The following MYO7A variants were observed in gnomAD, a reference collection of about 807,000 sequenced individuals.
MYO7A encodes the protein myosin VIIA, also known as unconventional myosin-VIIa.
In MYO7A, 210 loss-of-function variants were observed where a neutral mutation model predicts 263.8. The ratio of observed to expected loss-of-function variants is 0.80; its 90% CI spans 0.71 to 0.89. MYO7A has a LOEUF of 0.89. Among genes scored for constraint, MYO7A ranks in the 40% least tolerant of loss-of-function variants. The probability of loss-of-function intolerance (pLI) is 0.00; values close to 1 mark genes in which losing one functional copy is unlikely to be tolerated. For synonymous variants in MYO7A, 1,239 were observed against 1,197.3 expected, an observed-to-expected ratio of 1.03 and a Z score of -0.72; for missense variants, 2,820 against 2,968.3, an observed-to-expected ratio of 0.95 and a Z score of 1.16.
chr11:77,161,976 T>G, intron 12 of MYO7A, 144 bp from the exon 13 acceptor site: 1 of 780,006 alleles, frequency 1.3e-6, no homozygotes. Flanking sequence ...GAGGTGGACT[T>G]GACAATTCCC....
chr11:77,213,025 C>T lies in MYO7A; in HGVS notation c.6428C>T (p.Pro2143Leu). 6.3e-7 allele frequency: 1 copy of T among 1,577,208 alleles called. No homozygotes were observed. The highest frequency in any genetic ancestry group is 1.2e-5 in the South Asian group (1 of 85,700). The change falls in exon 47 of 49, where the codon CCC (proline) becomes CTC (leucine). Residue 2143 changes from proline to leucine, a missense_variant. Pro to Leu is a moderately conservative substitution (Grantham distance 98, BLOSUM62 -3). Coordinates refer to ENST00000409709, the MANE Select transcript of MYO7A (RefSeq NM_000260.4). ...AAGTATGGGGTCAGCCTCATCGATC[C>T]CAAAACGAAGGTGAGCAGGGATAAG... ...INKYGVSLID[P>L]KTKDILTTHP...
chr11:77,181,754 A>G (rs1955206525), intron 23 of MYO7A, among the ~76,000 whole-genome samples, 165 bp downstream of exon 23: 1 of 145,424 alleles, frequency 6.9e-6, no homozygotes, highest in Admixed American at 6.9e-5. Flanking sequence ...TCCCTCTCCA[A>G]CGCCCTTCTC....
chr11:77,172,730 T>A lies in MYO7A; in HGVS notation c.1798-18T>A. 6.5e-7 allele frequency: 1 copy of A among 1,550,184 alleles called. No individual in the cohort carries two copies. Among genetic ancestry groups the A allele is most frequent in the South Asian group, 1.2e-5 (1 of 84,036 alleles). On this transcript the variant is annotated intron_variant, in intron 15 of 48. Transcript: ENST00000409709. ...GGGCAGGCACAGCCCCTCCCATCGC[T>A]GCCGTCCGTCCCCCCAGGGCGCCGA... is the stretch of plus-strand genomic sequence containing the variant.
intron 27 of MYO7A, chr11:77,185,070 G>A (rs1383832534): frequency 2.5e-6 from 1 of 406,422 alleles, no homozygotes; most frequent in African/African-American, 2.0e-5. Context: ...ATAGCATTAT[G>A]TCTAAAAAAT....
chr11:77,214,824 C>A lies in MYO7A; in HGVS notation c.*128C>A. 1 of 721,972 alleles carries A rather than the reference C, an allele frequency of 1.4e-6. No individual in the cohort carries two copies. Among genetic ancestry groups the A allele is most frequent in the Non-Finnish European group, 2.3e-6 (1 of 434,208 alleles). The allele number at this position is 721,972 out of a possible 1,614,324, so 44.7% of individuals were successfully genotyped here. A position where few individuals can be genotyped will look rare whatever the true frequency, so the allele number is the denominator to read the frequency against. On this transcript the variant is annotated 3_prime_UTR_variant, in exon 49 of 49. Transcript: ENST00000409709. Reference sequence around the variant, plus strand: ...CAGCGAGGCTGGGCTGGCCAGCCACCACTGACTATACCAACTGGGCCTCTG... The same window carrying A: ...CAGCGAGGCTGGGCTGGCCAGCCACAACTGACTATACCAACTGGGCCTCTG...
intron 15 of MYO7A, among the ~76,000 whole-genome samples, chr11:77,172,075 T>C (rs1381376621): frequency 6.6e-6 from 1 of 152,202 alleles, no homozygotes; most frequent in East Asian, 1.9e-4. Context: ...CGGCTAAGCC[T>C]GGGAGGGGAG....
chr11:77,208,865 G>A (rs1215127696), intron 44 of MYO7A, 62 bp downstream of exon 44: 2 of 1,347,062 alleles, frequency 1.5e-6, no homozygotes, highest in Non-Finnish European at 2.1e-6. Context: ...CTTTGGCCCT[G>A]AAAGCAGAGA....
At chr11:77,175,268 G>C in intron 17 of MYO7A, 104 bp from the exon 18 acceptor site, 1 of 1,068,444 alleles carries the variant, frequency 9.4e-7, no homozygotes, top group Non-Finnish European at 1.4e-6. Flanking sequence ...TCGAGTCAGG[G>C]GCAGAGCTCG....
rs1415078177 is a variant in MYO7A at position 77,138,307 on chromosome 11, G to A, written c.19-4402G>A. On this transcript the variant is annotated intron_variant, in intron 2 of 48. Coordinates refer to ENST00000409709, the MANE Select transcript of MYO7A (RefSeq NM_000260.4). This position sits in a 1 kb window ranked among gnomAD's most constrained non-coding sequence, Gnocchi z 4.9. ...GCAGTGCCGCCGTCGCCGTCGCAGC[G>A]CCATGGAGGACCCCGCCGACCCTGC... 6.7e-6 allele frequency among the ~76,000 whole-genome samples: 1 copy of A among 149,872 alleles called. No individual in the cohort carries two copies. Among genetic ancestry groups the A allele is most frequent in the South Asian group, 2.1e-4 (1 of 4,806 alleles).
rs782603382 is a variant in MYO7A, at chr11:77,160,243, C to T, written c.1161C>T (p.Ser387=). 2 of 1,579,336 alleles carry T rather than the reference C, an allele frequency of 1.3e-6. No individual in the cohort carries two copies. The highest frequency in any genetic ancestry group is 1.2e-5 in the South Asian group (1 of 85,694). Residue 387 remains serine (S), a synonymous_variant, in exon 11 of 49, where the codon AGC becomes AGT. Transcript: ENST00000409709. ...TRGETVSTPL[S]REQALDVRDA... is the part of the protein sequence containing the mutation. ...GGGAGACGGTGTCCACCCCACTGAG[C>T]AGGGAACAGGCACTGGACGTGCGCG...
At chr11:77,177,458 C>G in intron 18 of MYO7A, 91 bp from the exon 19 acceptor site, 2 of 1,043,720 alleles carry the variant, frequency 1.9e-6, no homozygotes, top group South Asian at 2.7e-5. Context: ...GACCTGTGCT[C>G]CCAGTGAAGG....
At chr11:77,143,774 G>T (rs1164638510) in intron 3 of MYO7A, among the ~76,000 whole-genome samples, 1 of 152,182 alleles carries the variant, frequency 6.6e-6, no homozygotes, top group Non-Finnish European at 1.5e-5. Context: ...TTAGCCTCCT[G>T]GTCTGAGGGA....
rs1031559000 is a variant in MYO7A, at chr11:77,205,606, G to C, written c.5625G>C (p.Gln1875His). 1 of 1,613,560 alleles carries C rather than the reference G, an allele frequency of 6.2e-7. No homozygotes were observed. Among genetic ancestry groups the C allele is most frequent in the Admixed American group, 1.7e-5 (1 of 59,996 alleles). The change falls in exon 40 of 49, where the codon CAG becomes CAC. Residue 1875 changes from glutamine (Q) to histidine (H), a missense_variant. Gln to His is a conservative substitution (Grantham distance 24). Coordinates refer to ENST00000409709, the MANE Select transcript of MYO7A (RefSeq NM_000260.4). ...PLAIDCLQRL[Q>H]KALRNGSRKY... ...CCATCGACTGCCTGCAACGGCTCCA[G>C]AAAGCCCTGAGGTACAGCGGCCACC...
intron 40 of MYO7A, 86 bp downstream of exon 40, chr11:77,205,703 G>C (rs1181266627): frequency 6.4e-7 from 1 of 1,558,632 alleles, no homozygotes; most frequent in Non-Finnish European, 8.7e-7. Flanking sequence ...TTGGGGATGA[G>C]GACCACATAG....
chr11:77,132,570 C>A (rs1950797600), intron 2 of MYO7A, among the ~76,000 whole-genome samples: 1 of 152,122 alleles, frequency 6.6e-6, no homozygotes, highest in Non-Finnish European at 1.5e-5. Flanking sequence ...CTCACTGCAA[C>A]CTTCGACTCC....
chr11:77,131,853 G>A (rs1248357680), intron 2 of MYO7A, among the ~76,000 whole-genome samples: 1 of 152,222 alleles, frequency 6.6e-6, no homozygotes, highest in African/African-American at 2.4e-5. Context: ...CAGCCCTGGG[G>A]AACCGGCCAG....
chr11:77,177,534 A>G lies in MYO7A; in HGVS notation c.2188-15A>G. ...GAGACCTTGTGGGGCGCTGCTCAGG[A>G]GCTCTGCCTCCTAGGACCACCATGA... On this transcript the variant is annotated splice_polypyrimidine_tract_variant and intron_variant, in intron 18 of 48. Coordinates refer to ENST00000409709, the MANE Select transcript of MYO7A (RefSeq NM_000260.4). The G allele has an allele frequency of 1.9e-6, 3 of 1,602,668 alleles. No individual in the cohort carries two copies. Among genetic ancestry groups the G allele is most frequent in the Non-Finnish European group, 2.6e-6 (3 of 1,174,636 alleles).
chr11:77,164,043 C>T (rs1271597349), intron 14 of MYO7A, among the ~76,000 whole-genome samples: 3 of 152,144 alleles, frequency 2.0e-5, no homozygotes, highest in Non-Finnish European at 2.9e-5. Flanking sequence ...AGTCAGGCCT[C>T]GAACCAGCCC....
In MYO7A at chr11:77,138,182, G is replaced by T. The variant is rs901936100; in HGVS notation, c.19-4527G>T. On this transcript the variant is annotated intron_variant, in intron 2 of 48. Transcript: ENST00000409709. The surrounding 1 kb of genome is among the most constrained non-coding windows in gnomAD (Gnocchi z 4.9). ...CCCCCTCGCCGTCCCGCCCGCGGGC[G>T]TCACCTAAGCCGCCGTTGCCATGGG... Among the ~76,000 whole-genome samples, 2 of 151,966 alleles carry T rather than the reference G, an allele frequency of 1.3e-5. No individual in the cohort carries two copies. Among genetic ancestry groups the T allele is most frequent in the Non-Finnish European group, 2.9e-5 (2 of 67,932 alleles).
Sources: allele counts gnomAD v4.1 joint callset (sites outside exome capture counted in the v4.1 genomes callset), GRCh38; gene constraint gnomAD v4.1.1; non-coding constraint Gnocchi (gnomAD v3.1); transcripts MANE v1.5; gene names NCBI Gene and HGNC (gene_info 2026-07-23, HGNC 2026-07-21).